The following DDRGK1 variants were observed in gnomAD, a reference collection of about 807,000 sequenced individuals.
DDRGK1 encodes DDRGK domain containing 1.
In DDRGK1, 38 loss-of-function variants were observed where a neutral mutation model predicts 45.8. That is an observed-to-expected ratio of 0.83 (90% CI 0.64 to 1.09). The LOEUF (loss-of-function observed/expected upper bound fraction) is 1.09, where lower values mean the gene tolerates loss of function less well. Among genes scored for constraint, DDRGK1 ranks in the 50% least tolerant of loss-of-function variants. DDRGK1 has a pLI of 0.00. For synonymous variants in DDRGK1, 171 were observed against 168.7 expected, an observed-to-expected ratio of 1.01 and a Z score of -0.11; for missense variants, 403 against 419.9, an observed-to-expected ratio of 0.96 and a Z score of 0.35.
At chr20:3,198,997 A>AAAAAT in intron 4 of DDRGK1, among the ~76,000 whole-genome samples, 1 of 149,652 alleles carries the variant, frequency 6.7e-6, no homozygotes, top group Non-Finnish European at 1.5e-5. Context: ...AAAAAAAAAA[A>AAAAAT]TTAGCCAGGC....
intron 8 of DDRGK1, 132 bp from the exon 9 acceptor site, chr20:3,190,951 G>A: frequency 7.3e-7 from 1 of 1,372,746 alleles, no homozygotes; most frequent in Admixed American, 2.3e-5. Context: ...TTTCCTGGCT[G>A]CATCCAGTCC....
intron 1 of DDRGK1, among the ~76,000 whole-genome samples, chr20:3,203,819 G>A (rs2122245253): frequency 6.6e-6 from 1 of 152,350 alleles, no homozygotes; most frequent in Non-Finnish European, 1.5e-5. Context: ...CCTCCCCCGG[G>A]AAGACCTGCT....
At chr20:3,195,474 G>A in intron 4 of DDRGK1, 121 bp from the exon 5 acceptor site, 1 of 1,363,194 alleles carries the variant, frequency 7.3e-7, no homozygotes, top group Non-Finnish European at 9.8e-7. Context: ...CAGAGACAGA[G>A]CTCCTTCAGG....
At chr20:3,201,418 G>T (rs930728631) in intron 2 of DDRGK1, among the ~76,000 whole-genome samples, 1 of 150,802 alleles carries the variant, frequency 6.6e-6, no homozygotes, top group African/African-American at 2.4e-5. Context: ...GCTGCCAAGT[G>T]GTGTGAGCCG....
intron 6 of DDRGK1, among the ~76,000 whole-genome samples, chr20:3,192,654 G>A (rs1193953394): frequency 1.3e-5 from 2 of 152,230 alleles, no homozygotes; most frequent in African/African-American, 2.4e-5. Context: ...ACCCTCAGTA[G>A]AAACCTGAGT....
chr20:3,195,015 C>CCTA lies in DDRGK1; in HGVS notation c.634-150_634-148dup. On this transcript the variant is annotated intron_variant, in intron 5 of 8. Coordinates refer to ENST00000354488, the MANE Select transcript of DDRGK1 (RefSeq NM_023935.3). ...CCCAACCACCTGCACATACCGCTTG[C>CCTA]CTACACAAGCAGCAGAGCCTTCCAG... 3.8e-6 allele frequency: 5 copies of CCTA among 1,317,992 alleles called. No individual in the cohort carries two copies. The South Asian group carries it at 6.7e-5, about 18-fold the overall frequency. The allele number at this position is 1,317,992 out of a possible 1,614,324, so 81.6% of individuals were successfully genotyped here. A position where few individuals can be genotyped will look rare whatever the true frequency, so the allele number is the denominator to read the frequency against.
At chr20:3,204,343 G>A (rs548196104) in intron 1 of DDRGK1, among the ~76,000 whole-genome samples, 194 bp downstream of exon 1, 1 of 152,238 alleles carries the variant, frequency 6.6e-6, no homozygotes, top group South Asian at 2.1e-4. Context: ...TCGAGAGAAA[G>A]GGGTAGCGGC....
chr20:3,190,840 T>C (rs1447964313), intron 8 of DDRGK1, 21 bp from the exon 9 acceptor site: 8 of 1,601,590 alleles, frequency 5.0e-6, no homozygotes, highest in Non-Finnish European at 6.8e-6. Flanking sequence ...ATGCAGGTTG[T>C]GGGGCTGAGG....
At position 3,196,559 on chromosome 20, in the gene DDRGK1, T is replaced by C. The variant is rs547878487; in HGVS notation, c.511-1206A>G. Reference sequence around the variant, plus strand: ...AGCCGGGCGTGGTGGTGGGCGCCTGTAGTCCCAGCTACTCGGGAGGCTGAG... The same window carrying C: ...AGCCGGGCGTGGTGGTGGGCGCCTGCAGTCCCAGCTACTCGGGAGGCTGAG... On this transcript the variant is annotated intron_variant, in intron 4 of 8. Coordinates refer to ENST00000354488, the MANE Select transcript of DDRGK1 (RefSeq NM_023935.3). Among the ~76,000 whole-genome samples, 21 of 150,772 alleles carry C rather than the reference T, an allele frequency of 1.4e-4. No homozygotes were observed. The East Asian group carries it at 2.3e-3, about 17-fold the overall frequency.
At chr20:3,200,540 A>T in intron 2 of DDRGK1, 86 bp from the exon 3 acceptor site, 23 of 1,203,222 alleles carry the variant, frequency 1.9e-5, no homozygotes, top group Middle Eastern at 1.9e-4. Flanking sequence ...CCCTCCCCTA[A>T]CAGGGGGATC....
chr20:3,200,510 A>AGGGG, intron 2 of DDRGK1, 56 bp from the exon 3 acceptor site: 1 of 1,480,576 alleles, frequency 6.8e-7, no homozygotes, highest in Non-Finnish European at 9.2e-7. Flanking sequence ...ACTGATGACG[A>AGGGG]TGGATCCCCA....
intron 7 of DDRGK1, 121 bp downstream of exon 7, chr20:3,191,644 T>C (rs1352973080): frequency 1.8e-6 from 2 of 1,141,884 alleles, no homozygotes; most frequent in Non-Finnish European, 2.6e-6. Context: ...TGTGCACTAC[T>C]CACTCTTGGT....
chr20:3,201,845 G>C (rs2067041519), intron 2 of DDRGK1, among the ~76,000 whole-genome samples: 1 of 151,336 alleles, frequency 6.6e-6, no homozygotes, highest in Non-Finnish European at 1.5e-5. Flanking sequence ...TTTATTTTTA[G>C]TAGAGACCGG....
Position 3,195,458 on chromosome 20 carries a change from T to C in DDRGK1, c.511-105A>G, listed in dbSNP as rs575358453. The C allele has an allele frequency of 2.1e-6, 3 of 1,449,662 alleles. No individual in the cohort carries two copies. In the African/African-American group the frequency reaches 4.3e-5, roughly 21 times the overall value. The allele number at this position is 1,449,662 out of a possible 1,614,324, so 89.8% of individuals were successfully genotyped here. A position where few individuals can be genotyped will look rare whatever the true frequency, so the allele number is the denominator to read the frequency against. ...GGACACCAGAGCATATAGCCCAGCCTTTTCTCAGAGACAGAGCTCCTTCAG... is the reference window on the plus strand; with the variant it reads ...GGACACCAGAGCATATAGCCCAGCCCTTTCTCAGAGACAGAGCTCCTTCAG... On this transcript the variant is annotated intron_variant, in intron 4 of 8. Transcript: ENST00000354488.
intron 6 of DDRGK1, among the ~76,000 whole-genome samples, chr20:3,194,359 G>A (rs1048734492): frequency 1.3e-5 from 2 of 152,240 alleles, no homozygotes; most frequent in Non-Finnish European, 2.9e-5. Context: ...CTGCGCAGTG[G>A]CTGCGGACAG....
intron 1 of DDRGK1, 99 bp downstream of exon 1, chr20:3,204,438 C>T (rs1279968477): frequency 7.8e-7 from 1 of 1,274,794 alleles, no homozygotes; most frequent in African/African-American, 1.5e-5. Context: ...CCCGCCCGCC[C>T]AGGTGCGCAC....
At chr20:3,201,341 C>G (rs1349952709) in intron 2 of DDRGK1, among the ~76,000 whole-genome samples, 1 of 150,154 alleles carries the variant, frequency 6.7e-6, no homozygotes, top group Non-Finnish European at 1.5e-5. Context: ...CACCCGTAGC[C>G]CCAGCTACTA....
chr20:3,190,582 G>A lies in DDRGK1; in HGVS notation c.*71C>T. On this transcript the variant is annotated 3_prime_UTR_variant, in exon 9 of 9. Coordinates refer to ENST00000354488, the MANE Select transcript of DDRGK1 (RefSeq NM_023935.3). ...GGCCACACCATCACTTCCCCAGGAT[G>A]GTGGGGAGGGATGAAGATGTATAGC... 1 of 1,548,516 alleles carries A rather than the reference G, an allele frequency of 6.5e-7. No homozygotes were observed. The highest frequency in any genetic ancestry group is 8.8e-7 in the Non-Finnish European group (1 of 1,131,042).
chr20:3,196,394 CT>C (rs1358154772), intron 4 of DDRGK1, among the ~76,000 whole-genome samples: 1 of 152,166 alleles, frequency 6.6e-6, no homozygotes, highest in East Asian at 1.9e-4. Context: ...AAATGGAAAG[CT>C]AGCCGGGCGT....
Sources: allele counts gnomAD v4.1 joint callset (sites outside exome capture counted in the v4.1 genomes callset), GRCh38; gene constraint gnomAD v4.1.1; transcripts MANE v1.5; gene names NCBI Gene and HGNC (gene_info 2026-07-23, HGNC 2026-07-21).